Variants in ZNF567 observed in about 807,000 individuals in gnomAD.
The protein encoded by ZNF567 is zinc finger protein 567.
In ZNF567, 36 loss-of-function variants were observed where a neutral mutation model predicts 53.9. The observed-to-expected ratio is 0.67, with a 90% confidence interval of 0.51 to 0.88. The LOEUF (loss-of-function observed/expected upper bound fraction) is 0.88. Among genes scored for constraint, ZNF567 ranks in the 40% least tolerant of loss-of-function variants. The pLI, the probability that ZNF567 is intolerant of heterozygous loss-of-function variation, is 0.00. For synonymous variants in ZNF567, 224 were observed against 260.4 expected, an observed-to-expected ratio of 0.86 and a Z score of 1.35; for missense variants, 619 against 764.7, an observed-to-expected ratio of 0.81 and a Z score of 2.25.
At chr19:36,696,465 T>C (rs1253869965) in intron 3 of ZNF567, among the ~76,000 whole-genome samples, 2 of 152,248 alleles carry the variant, frequency 1.3e-5, no homozygotes, top group Non-Finnish European at 2.9e-5. Context: ...AGATCCTTCA[T>C]GCACATGTCT....
rs1280673615 is a variant in ZNF567 at position 36,696,243 on chromosome 19, G to T, written c.9+1367G>T. On this transcript the variant is annotated intron_variant, in intron 3 of 5. Coordinates refer to ENST00000682579, the MANE Select transcript of ZNF567 (RefSeq NM_001322917.1). The stretch of plus-strand genomic sequence containing the variant: ...ACACTACTCTTTCTTGTTTCAGTCA[G>T]AACATTTATCTTCGTATCTGGACCT... 3.3e-5 allele frequency among the ~76,000 whole-genome samples: 5 copies of T among 152,176 alleles called. No individual in the cohort carries two copies. In the East Asian group the frequency reaches 9.6e-4, roughly 29 times the overall value.
upstream of ZNF567, among the ~76,000 whole-genome samples, chr19:36,683,681 A>G (rs1191156779): frequency 6.6e-6 from 1 of 152,094 alleles, no homozygotes; most frequent in Non-Finnish European, 1.5e-5. Context: ...AAAACCAAAA[A>G]TTAGCCATGC....
downstream of ZNF567, among the ~76,000 whole-genome samples, chr19:36,721,959 G>A (rs545369874): frequency 6.6e-6 from 1 of 152,048 alleles, no homozygotes; most frequent in African/African-American, 2.4e-5. Flanking sequence ...TGGTCAGACT[G>A]GTCTCGAACT....
At chr19:36,696,288 C>T (rs2145622616) in intron 3 of ZNF567, among the ~76,000 whole-genome samples, 1 of 152,262 alleles carries the variant, frequency 6.6e-6, no homozygotes, top group South Asian at 2.1e-4. Context: ...TGGTGTTCTC[C>T]AGATTCTGTA....
At chr19:36,683,928 A>G (rs912494250), upstream of ZNF567, among the ~76,000 whole-genome samples, 1 of 152,342 alleles carries the variant, frequency 6.6e-6, no homozygotes. Flanking sequence ...TATTGGTGCA[A>G]ACTTAATCAG....
rs375487166 is a variant in ZNF567, at chr19:36,720,230, G to T, written c.1506G>T (p.Glu502Asp). 12 of 1,613,992 alleles carry T rather than the reference G, an allele frequency of 7.4e-6. No individual in the cohort carries two copies. Among genetic ancestry groups the T allele is most frequent in the Non-Finnish European group, 1.0e-5 (12 of 1,180,034 alleles). Residue 502 changes from glutamate to aspartate, a missense_variant, in exon 6 of 6, where the codon GAG becomes GAT. By Grantham distance (45) the Glu-to-Asp change is conservative. Transcript: ENST00000682579. ...LIDHHRTHTG[E>D]KPYECNECGK... is the part of the protein sequence containing the mutation. ...ATCATCACCGAACTCACACAGGAGA[G>T]AAACCATATGAATGTAATGAATGTG... is the stretch of plus-strand genomic sequence containing the variant.
chr19:36,710,030 CCTTT>C (rs1430226246), intron 3 of ZNF567, among the ~76,000 whole-genome samples: 2 of 151,862 alleles, frequency 1.3e-5, no homozygotes, highest in Non-Finnish European at 2.9e-5. Context: ...TTATTTATGC[CCTTT>C]CTTTTTCTCT....
chr19:36,701,907 C>A (rs1263187055), intron 3 of ZNF567, among the ~76,000 whole-genome samples: 2 of 151,036 alleles, frequency 1.3e-5, no homozygotes, highest in Non-Finnish European at 2.9e-5. Context: ...TTAATTGGAG[C>A]ATTTAGCCTA....
At position 36,706,681 on chromosome 19, in the gene ZNF567, G is replaced by GT. The variant is rs1261282909; in HGVS notation, c.10-5695dup. On this transcript the variant is annotated intron_variant, in intron 3 of 5. Coordinates refer to ENST00000682579, the MANE Select transcript of ZNF567 (RefSeq NM_001322917.1). ...CTTTTTACTGTTGGTTTTTTTTTTT[G>GT]TTTTTTTTTTGAGACAGGATCTTGT... Among the ~76,000 whole-genome samples the GT allele has an allele frequency of 2.3e-3, 193 of 85,756 alleles. 2 individuals are homozygous for GT. The highest frequency in any genetic ancestry group is 3.7e-3 in the Non-Finnish European group (155 of 42,340). The allele number at this position is 85,756 out of a possible 152,430, so 56.3% of individuals were successfully genotyped here.
intron 3 of ZNF567, among the ~76,000 whole-genome samples, chr19:36,702,384 A>G (rs1268533185): frequency 2.0e-5 from 3 of 151,590 alleles, no homozygotes; most frequent in African/African-American, 7.3e-5. Flanking sequence ...AACTTCGGTG[A>G]ATCTGACAAT....
At position 36,719,227 on chromosome 19, in the gene ZNF567, C is replaced by G; in HGVS notation, c.503C>G (p.Ser168Ter). 1.2e-6 allele frequency: 2 copies of G among 1,613,966 alleles called. No homozygotes were observed. The highest frequency in any genetic ancestry group is 1.7e-6 in the Non-Finnish European group (2 of 1,179,976). The change falls in exon 6 of 6, where the codon TCA becomes TGA. Residue 168 changes from serine to a stop codon, truncating the protein, a stop_gained. Coordinates refer to ENST00000682579, the MANE Select transcript of ZNF567 (RefSeq NM_001322917.1). LOFTEE classifies it high-confidence loss of function. ...AGTGAGTATAATGGATATGGGAAATCACTCCTGAGTACTAAACAAGAGACT... is the reference window on the plus strand; with the variant it reads ...AGTGAGTATAATGGATATGGGAAATGACTCCTGAGTACTAAACAAGAGACT... ...RLSEYNGYGK[S>*]LLSTKQETTH...
chr19:36,675,294 C>A, the ZNF567 span, among the ~76,000 whole-genome samples: 1 of 151,902 alleles, frequency 6.6e-6, no homozygotes, highest in Non-Finnish European at 1.5e-5. Context: ...AATACCAGTA[C>A]TTTGGGAGGC....
intron 3 of ZNF567, among the ~76,000 whole-genome samples, chr19:36,697,715 G>A (rs1288235301): frequency 2.0e-5 from 3 of 151,394 alleles, no homozygotes; most frequent in South Asian, 2.1e-4. Flanking sequence ...AGGTTCAAGC[G>A]ATTCTGGTGC....
At chr19:36,667,925 G>A in the ZNF567 span, among the ~76,000 whole-genome samples, 1 of 151,620 alleles carries the variant, frequency 6.6e-6, no homozygotes, top group African/African-American at 2.4e-5. Context: ...CTGGATTACA[G>A]GCGTGAGCCA....
At chr19:36,692,403 T>G (rs1443519212) in intron 2 of ZNF567, among the ~76,000 whole-genome samples, 1 of 152,164 alleles carries the variant, frequency 6.6e-6, no homozygotes, top group Non-Finnish European at 1.5e-5. Context: ...GACAGAGTCT[T>G]GCTCTGTTGT....
At chr19:36,695,138 T>G (rs1185803223) in intron 3 of ZNF567, among the ~76,000 whole-genome samples, 1 of 151,766 alleles carries the variant, frequency 6.6e-6, no homozygotes, top group East Asian at 1.9e-4. Context: ...CTCCCAGCAC[T>G]TTGAGAGGCT....
intron 3 of ZNF567, among the ~76,000 whole-genome samples, chr19:36,708,834 G>C (rs936229795): frequency 2.0e-5 from 3 of 152,054 alleles, no homozygotes; most frequent in African/African-American, 4.8e-5. Context: ...GTTGTATTTT[G>C]TGTCAGTCAC....
chr19:36,712,744 T>C (rs1209049028), intron 4 of ZNF567, 37 bp from the exon 5 acceptor site: 5 of 1,588,266 alleles, frequency 3.1e-6, no homozygotes, highest in African/African-American at 1.3e-5. Flanking sequence ...AGTGGTATTA[T>C]AGCCCAATCA....
In ZNF567 at chr19:36,720,140, AG is replaced by A. The variant is rs2040246832; in HGVS notation, c.1420del (p.Glu474ArgfsTer15). The A allele has an allele frequency of 6.2e-7, 1 of 1,613,886 alleles. No individual in the cohort carries two copies. Among genetic ancestry groups the A allele is most frequent in the South Asian group, 1.1e-5 (1 of 91,072 alleles). On this transcript the variant is annotated frameshift_variant, in exon 6 of 6. Coordinates refer to ENST00000682579, the MANE Select transcript of ZNF567 (RefSeq NM_001322917.1). LOFTEE classifies it high-confidence loss of function. The stretch of plus-strand genomic sequence containing the variant: ...TTGTAGCACATCAGAGAACACATAC[AG>A]GGGAGAAATCTTATGAATGTCCTCA... ...TLVAHQRTHT[G>X]EKSYECPHCG...
Sources: allele counts gnomAD v4.1 joint callset (sites outside exome capture counted in the v4.1 genomes callset), GRCh38; gene constraint gnomAD v4.1.1; transcripts MANE v1.5; gene names NCBI Gene and HGNC (gene_info 2026-07-23, HGNC 2026-07-21).